ZZEF1: variants seen among roughly 807,000 people sequenced by gnomAD.
The protein encoded by ZZEF1 is zinc finger ZZ-type and EF-hand domain containing 1, also known as zinc finger ZZ-type and EF-hand domain-containing protein 1.
ZZEF1 carries 157 observed loss-of-function variants against 342.8 expected under a neutral mutation model. That is an observed-to-expected ratio of 0.46 (90% confidence interval 0.40 to 0.52). The LOEUF (loss-of-function observed/expected upper bound fraction) is 0.52, where lower values mean the gene tolerates loss of function less well. Ranked by LOEUF, ZZEF1 falls within the 20% of genes least tolerant of loss-of-function variation. The pLI is 0.00. For missense variants in ZZEF1, 3,480 were observed against 3,725.6 expected (o/e 0.93, Z 1.72); for synonymous variants, 1,505 against 1,429.1 (o/e 1.05, Z -1.20).
rs575531860 is a variant in ZZEF1 at position 4,096,151 on chromosome 17, T to G, written c.1765-172A>C. On this transcript the variant is annotated intron_variant, in intron 10 of 54. Transcript: ENST00000381638. ...AAAGCTGTTTCCCAAGAAATGTTCCTTAACTTTCTCAATCCTTATATTCTC... is the reference window on the plus strand; with the variant it reads ...AAAGCTGTTTCCCAAGAAATGTTCCGTAACTTTCTCAATCCTTATATTCTC... Among the ~76,000 whole-genome samples, 77 of 152,366 alleles carry G rather than the reference T, an allele frequency of 5.1e-4. 1 individual carries two copies. Among genetic ancestry groups the G allele is most frequent in the African/African-American group, 1.7e-3 (69 of 41,576 alleles).
Position 4,123,887 on chromosome 17 carries a change from C to A in ZZEF1, c.499+20G>T. The A allele has an allele frequency of 6.2e-7, 1 of 1,609,444 alleles. No individual in the cohort carries two copies. The highest frequency in any genetic ancestry group is 8.5e-7 in the Non-Finnish European group (1 of 1,178,438). ...AAAGTTCACTTTGGTTCTAAGACAG[C>A]ACCTAGATGGAAGCCTCACCTGGAA... On this transcript the variant is annotated intron_variant, in intron 2 of 54. Coordinates refer to ENST00000381638, the MANE Select transcript of ZZEF1 (RefSeq NM_015113.4).
At chr17:4,133,038 G>A (rs977918833) in intron 1 of ZZEF1, among the ~76,000 whole-genome samples, 3 of 151,994 alleles carry the variant, frequency 2.0e-5, no homozygotes, top group Non-Finnish European at 2.9e-5. Context: ...CTGAGGCCCT[G>A]CGGTGGGAAC....
At chr17:4,015,597 T>A (rs909009444) in intron 49 of ZZEF1, among the ~76,000 whole-genome samples, 4 of 152,192 alleles carry the variant, frequency 2.6e-5, no homozygotes. Flanking sequence ...AAACCCCGTC[T>A]CTACTAAAAA....
At chr17:4,111,811 G>A (rs2058307318) in intron 5 of ZZEF1, among the ~76,000 whole-genome samples, 1 of 145,276 alleles carries the variant, frequency 6.9e-6, no homozygotes, top group African/African-American at 2.5e-5. Flanking sequence ...GCCAAGGTAG[G>A]AGCATAAAGG....
intron 6 of ZZEF1, among the ~76,000 whole-genome samples, chr17:4,108,468 C>A (rs1376326755): frequency 6.6e-6 from 1 of 152,180 alleles, no homozygotes; most frequent in Non-Finnish European, 1.5e-5. Flanking sequence ...ATGAAGGAAA[C>A]TAAAGAGAAA....
intron 45 of ZZEF1, among the ~76,000 whole-genome samples, chr17:4,020,281 A>G (rs2056235289): frequency 1.3e-5 from 2 of 152,202 alleles, no homozygotes; most frequent in African/African-American, 4.8e-5. Context: ...AATGTTGATC[A>G]AAGTAGTTTT....
At chr17:4,049,673 C>G (rs573780423) in intron 37 of ZZEF1, 35 bp downstream of exon 37, 3 of 1,612,780 alleles carry the variant, frequency 1.9e-6, no homozygotes, top group Non-Finnish European at 2.5e-6. Context: ...TAGAGTTCAA[C>G]CTGTGATTCT....
rs868422952 is a variant in ZZEF1 at position 4,044,391 on chromosome 17, G to A, written c.6016-17C>T. The A allele has an allele frequency of 2.5e-6, 4 of 1,597,890 alleles. No individual in the cohort carries two copies. The Middle Eastern group carries it at 5.0e-4, about 201-fold the overall frequency. On this transcript the variant is annotated splice_polypyrimidine_tract_variant and intron_variant, in intron 37 of 54. Transcript: ENST00000381638. Reference sequence around the variant, plus strand: ...TCTCTTTCCCTAAAAAAACAAAAGTGTAAAAGAATTAAGGTTTCTTATAAC... The same window carrying A: ...TCTCTTTCCCTAAAAAAACAAAAGTATAAAAGAATTAAGGTTTCTTATAAC...
At chr17:4,115,818 A>G (rs1289906127) in intron 3 of ZZEF1, among the ~76,000 whole-genome samples, 3 of 152,248 alleles carry the variant, frequency 2.0e-5, no homozygotes, top group Admixed American at 1.3e-4. Context: ...GACTCTGCTT[A>G]TATTTTTTTT....
At chr17:4,021,585 T>A (rs1265921170) in intron 44 of ZZEF1, among the ~76,000 whole-genome samples, 1 of 152,222 alleles carries the variant, frequency 6.6e-6, no homozygotes, top group East Asian at 1.9e-4. Context: ...GAACTTCTTT[T>A]GGCAAAATGT....
intron 26 of ZZEF1, among the ~76,000 whole-genome samples, chr17:4,068,220 T>G (rs7217789): frequency 0.064 from 9,717 of 152,288 alleles, 431 homozygotes; most frequent in South Asian, 0.12. Flanking sequence ...TAGCTGATAA[T>G]TATTTTAAGC....
At chr17:4,096,015 G>A (rs370443543) in intron 10 of ZZEF1, 36 bp from the exon 11 acceptor site, 38 of 1,559,272 alleles carry the variant, frequency 2.4e-5, no homozygotes, top group Middle Eastern at 3.4e-4. Flanking sequence ...CTATCAAAGG[G>A]GCAAAAGTTC....
At chr17:4,040,105 G>C (rs944146451) in intron 39 of ZZEF1, among the ~76,000 whole-genome samples, 1 of 152,144 alleles carries the variant, frequency 6.6e-6, no homozygotes, top group African/African-American at 2.4e-5. Context: ...CTTCTCATCG[G>C]TTGTTCTAGA....
chr17:4,014,510 T>A lies in ZZEF1; in HGVS notation c.8151A>T (p.Lys2717Asn). 6.2e-7 allele frequency: 1 copy of A among 1,614,170 alleles called. No homozygotes were observed. Among genetic ancestry groups the A allele is most frequent in the South Asian group, 1.1e-5 (1 of 91,076 alleles). ...GGTAGATGGCACCAGGAATGTGAAC[T>A]TTATCCTAGGGAGGGGAAATGGAGA... ...PYNNNTNFED[K>N]VHIPGAIYLS... Residue 2717 changes from lysine (K) to asparagine (N), a missense_variant, in exon 50 of 55, where the codon AAA becomes AAT. Lys to Asn is a moderately conservative substitution (Grantham distance 94). Coordinates refer to ENST00000381638, the MANE Select transcript of ZZEF1 (RefSeq NM_015113.4). This position sits in a 1 kb window ranked among gnomAD's most constrained non-coding sequence, Gnocchi z 4.4.
chr17:4,009,067 T>C, intron 53 of ZZEF1, 113 bp from the exon 54 acceptor site: 1 of 1,271,550 alleles, frequency 7.9e-7, no homozygotes, highest in Non-Finnish European at 1.1e-6. Flanking sequence ...GGGCGGACGC[T>C]ACTCACGCCG....
rs539575258 is a variant in ZZEF1 at position 4,010,659 on chromosome 17, A to G, written c.8580-902T>C. Among the ~76,000 whole-genome samples, 17 of 135,390 alleles carry G rather than the reference A, an allele frequency of 1.3e-4. No individual in the cohort carries two copies. The Admixed American group carries it at 1.3e-3, about 11-fold the overall frequency. The allele number at this position is 135,390 out of a possible 152,430, so 88.8% of individuals were successfully genotyped here. ...AGAATTGCTTGAACCCTGAAGGTGG[A>G]GGTTGCAGTGGGCTGAGATCACATC... On this transcript the variant is annotated intron_variant, in intron 52 of 54. Transcript: ENST00000381638.
intron 51 of ZZEF1, among the ~76,000 whole-genome samples, 196 bp downstream of exon 51, chr17:4,013,894 G>C (rs559358399): frequency 5.9e-5 from 9 of 152,226 alleles, no homozygotes; most frequent in African/African-American, 2.2e-4. Context: ...TCTCATAGCT[G>C]GCCATTCAAG....
Position 4,010,310 on chromosome 17 carries a change from C to T in ZZEF1, c.8580-553G>A, listed in dbSNP as rs114194766. 4.8e-3 allele frequency among the ~76,000 whole-genome samples: 735 copies of T among 151,894 alleles called. 5 individuals are homozygous for T. The highest frequency in any genetic ancestry group is 0.017 in the African/African-American group (715 of 41,402). On this transcript the variant is annotated intron_variant, in intron 52 of 54. Transcript: ENST00000381638. ...TGGAGGTTGCAGTGAGCCATGAGTG[C>T]ACCACTGTACTCTGGCCTGGGCAAC... is the stretch of plus-strand genomic sequence containing the variant.
chr17:4,132,498 A>G (rs2058676381), intron 1 of ZZEF1, among the ~76,000 whole-genome samples: 1 of 152,002 alleles, frequency 6.6e-6, no homozygotes, highest in South Asian at 2.1e-4. Flanking sequence ...GGGCATCAAG[A>G]CCATCCTGGC....
Sources: allele counts gnomAD v4.1 joint callset (sites outside exome capture counted in the v4.1 genomes callset), GRCh38; gene constraint gnomAD v4.1.1; non-coding constraint Gnocchi (gnomAD v3.1); transcripts MANE v1.5; gene names NCBI Gene and HGNC (gene_info 2026-07-23, HGNC 2026-07-21).